Variants in DYNC1I2 observed in about 807,000 individuals in gnomAD.
The protein encoded by DYNC1I2 is cytoplasmic dynein 1 intermediate chain 2.
DYNC1I2 carries 53 observed loss-of-function variants against 88.6 expected under a neutral mutation model. The ratio of observed to expected loss-of-function variants is 0.60; its 90% CI spans 0.48 to 0.75. The LOEUF is 0.75. DYNC1I2 is among the 30% of genes least tolerant of loss of function. DYNC1I2 has a pLI of 0.00. For missense variants in DYNC1I2, 458 were observed against 766.6 expected (o/e 0.60, Z 4.75); for synonymous variants, 198 against 254.6 (o/e 0.78, Z 2.12).
At position 171,715,385 on chromosome 2, in the gene DYNC1I2, A is replaced by G. The variant is rs372224505; in HGVS notation, c.453A>G (p.Arg151=). Residue 151 remains arginine (R), a synonymous_variant, in exon 7 of 18, where the codon CGA becomes CGG. Transcript: ENST00000397119. ...AKITQVDFPP[R]EIVTYTKETQ... is the part of the protein sequence containing the mutation. The stretch of plus-strand genomic sequence containing the variant: ...TCACGCAAGTCGACTTTCCTCCTCG[A>G]GAAATTGTCACGTATACAAAGGAAA... 49 of 1,570,078 alleles carry G rather than the reference A, an allele frequency of 3.1e-5. No homozygotes were observed. In the African/African-American group the frequency reaches 6.2e-4, roughly 20 times the overall value.
In DYNC1I2 at chr2:171,706,577, C is replaced by G. The variant is rs1292799202; in HGVS notation, c.244+13C>G. Reference sequence around the variant, plus strand: ...TCTGAATACTGGGGTAAGGAAGTTCCCATAAGTCTTGCCTTGTTTATTTGC... The same window carrying G: ...TCTGAATACTGGGGTAAGGAAGTTCGCATAAGTCTTGCCTTGTTTATTTGC... On this transcript the variant is annotated intron_variant, in intron 4 of 17. Coordinates refer to ENST00000397119, the MANE Select transcript of DYNC1I2 (RefSeq NM_001378.3). 1.2e-6 allele frequency: 2 copies of G among 1,610,918 alleles called. No individual in the cohort carries two copies. Among genetic ancestry groups the G allele is most frequent in the Non-Finnish European group, 1.7e-6 (2 of 1,177,940 alleles).
At chr2:171,692,585 C>T (rs1276639624) in intron 2 of DYNC1I2, among the ~76,000 whole-genome samples, 192 bp from the exon 3 acceptor site, 1 of 152,074 alleles carries the variant, frequency 6.6e-6, no homozygotes, top group African/African-American at 2.4e-5. Flanking sequence ...TAGTACATAT[C>T]ATTTGAAGGT....
intron 3 of DYNC1I2, among the ~76,000 whole-genome samples, chr2:171,696,658 A>G (rs186214363): frequency 5.3e-5 from 8 of 152,192 alleles, no homozygotes; most frequent in Admixed American, 3.3e-4. Flanking sequence ...ATAGGTAGCT[A>G]ATTTTCTCAG....
chr2:171,728,111 C>CT, intron 12 of DYNC1I2, 144 bp downstream of exon 12: 1 of 1,081,184 alleles, frequency 9.2e-7, no homozygotes, highest in Non-Finnish European at 1.3e-6. Flanking sequence ...AGAATGAAGG[C>CT]TATTTTTTTT....
chr2:171,747,159 A>AC lies in DYNC1I2; in HGVS notation c.1804-616dup, dbSNP rs1202462802. Among the ~76,000 whole-genome samples the AC allele has an allele frequency of 1.4e-4, 21 of 147,904 alleles. 1 individual carries two copies. The highest frequency in any genetic ancestry group is 5.2e-4 in the African/African-American group (21 of 40,334). ...CAGTGAGCCAAGATAGTGCCACTGC[A>AC]CTCCAGCCTGGGCAACAGAGTGGGA... On this transcript the variant is annotated intron_variant, in intron 17 of 17. Coordinates refer to ENST00000397119, the MANE Select transcript of DYNC1I2 (RefSeq NM_001378.3).
chr2:171,719,384 T>C (rs2105634995), intron 7 of DYNC1I2, among the ~76,000 whole-genome samples: 1 of 152,322 alleles, frequency 6.6e-6, no homozygotes, highest in East Asian at 1.9e-4. Flanking sequence ...AGAAAAACCT[T>C]GAAATTAAGG....
chr2:171,743,215 T>C (rs1689565087), intron 15 of DYNC1I2, among the ~76,000 whole-genome samples: 1 of 152,176 alleles, frequency 6.6e-6, no homozygotes, highest in Admixed American at 6.5e-5. Flanking sequence ...AGAGAAAATA[T>C]ATTTACTATG....
chr2:171,708,786 G>A (rs1355862154), intron 5 of DYNC1I2, among the ~76,000 whole-genome samples: 1 of 151,946 alleles, frequency 6.6e-6, no homozygotes, highest in Non-Finnish European at 1.5e-5. Context: ...TCTGCCTCCT[G>A]GGCTCAAACG....
chr2:171,697,094 A>G (rs1163090452), intron 3 of DYNC1I2, among the ~76,000 whole-genome samples: 1 of 152,018 alleles, frequency 6.6e-6, no homozygotes, highest in Non-Finnish European at 1.5e-5. Flanking sequence ...TCAACCTCCC[A>G]GGCTCAAGCG....
chr2:171,711,192 G>A (rs1559378052), intron 5 of DYNC1I2, among the ~76,000 whole-genome samples: 1 of 151,932 alleles, frequency 6.6e-6, no homozygotes, highest in South Asian at 2.1e-4. Context: ...TAGTAGAGAT[G>A]GGGTTTCATC....
At chr2:171,745,327 G>A (rs1038325923) in intron 16 of DYNC1I2, among the ~76,000 whole-genome samples, 1 of 152,154 alleles carries the variant, frequency 6.6e-6, no homozygotes, top group African/African-American at 2.4e-5. Context: ...TGCACCTTCA[G>A]TATGAACCGT....
intron 15 of DYNC1I2, among the ~76,000 whole-genome samples, chr2:171,737,479 G>T (rs1207063594): frequency 6.6e-6 from 1 of 152,200 alleles, no homozygotes; most frequent in African/African-American, 2.4e-5. Flanking sequence ...GCGCAGTGGG[G>T]TGATCTCGGT....
At position 171,728,469 on chromosome 2, in the gene DYNC1I2, G is replaced by A. The variant is rs922015317; in HGVS notation, c.1257+51G>A. 13 of 1,123,976 alleles carry A rather than the reference G, an allele frequency of 1.2e-5. No individual in the cohort carries two copies. In the Admixed American group the frequency reaches 2.4e-4, roughly 20 times the overall value. The allele number at this position is 1,123,976 out of a possible 1,614,324, so 69.6% of individuals were successfully genotyped here. The stretch of plus-strand genomic sequence containing the variant: ...TTTTGAGGCAAATGTTATGTTTTAA[G>A]TGTATGTGTACCTCAACTTATGTTT... On this transcript the variant is annotated intron_variant, in intron 13 of 17. Transcript: ENST00000397119.
At chr2:171,700,250 A>C (rs896714747) in intron 3 of DYNC1I2, among the ~76,000 whole-genome samples, 1 of 152,220 alleles carries the variant, frequency 6.6e-6, no homozygotes, top group Non-Finnish European at 1.5e-5. Flanking sequence ...TCCTGGTAGC[A>C]TGTTAGCTGG....
At chr2:171,709,571 G>GT (rs1450212840) in intron 5 of DYNC1I2, among the ~76,000 whole-genome samples, 2 of 152,052 alleles carry the variant, frequency 1.3e-5, no homozygotes, top group Admixed American at 1.3e-4. Context: ...GTGAAGCATA[G>GT]TTTTTTTAAT....
At chr2:171,734,258 C>T (rs1034563270) in intron 15 of DYNC1I2, among the ~76,000 whole-genome samples, 7 of 152,034 alleles carry the variant, frequency 4.6e-5, no homozygotes, top group African/African-American at 1.4e-4. Flanking sequence ...TCCTTATATA[C>T]GTTAATAATA....
intron 15 of DYNC1I2, among the ~76,000 whole-genome samples, chr2:171,739,698 T>TCTCTC (rs1559406785): frequency 6.3e-4 from 16 of 25,568 alleles, no homozygotes; most frequent in African/African-American, 1.1e-3. Flanking sequence ...ACATATCTCT[T>TCTCTC]TTTTTTTTTT....
intron 10 of DYNC1I2, 26 bp from the exon 11 acceptor site, chr2:171,726,765 C>T: frequency 2.5e-6 from 4 of 1,608,950 alleles, no homozygotes; most frequent in Non-Finnish European, 3.4e-6. Context: ...CATAGCATTT[C>T]TTTTCTTCTT....
chr2:171,697,578 GAGAA>G, intron 3 of DYNC1I2, among the ~76,000 whole-genome samples: 1 of 151,918 alleles, frequency 6.6e-6, no homozygotes, highest in South Asian at 2.1e-4. Flanking sequence ...GGATATGAGA[GAGAA>G]AGGAAGAACG....
Sources: allele counts gnomAD v4.1 joint callset (sites outside exome capture counted in the v4.1 genomes callset), GRCh38; gene constraint gnomAD v4.1.1; transcripts MANE v1.5; gene names NCBI Gene and HGNC (gene_info 2026-07-23, HGNC 2026-07-21).